Variants in HELZ observed in about 807,000 individuals in gnomAD.
The protein encoded by HELZ is ATP-dependent RNA helicase with zinc finger domain.
A neutral mutation model predicts 218.2 loss-of-function variants in HELZ; 23 were observed. The observed-to-expected ratio is 0.11, with a 90% CI of 0.08 to 0.15. The LOEUF (loss-of-function observed/expected upper bound fraction) is 0.15. Among genes scored for constraint, HELZ ranks in the 10% least tolerant of loss-of-function variants. The probability of loss-of-function intolerance (pLI) is 1.00; values close to 1 mark genes in which losing one functional copy is unlikely to be tolerated. For missense variants in HELZ, 1,813 were observed against 2,353.7 expected, an observed-to-expected ratio of 0.77 and a Z score of 4.75; for synonymous variants, 814 against 829.4, an observed-to-expected ratio of 0.98 and a Z score of 0.32.
chr17:67,233,129 G>A (rs187298676), intron 3 of HELZ, among the ~76,000 whole-genome samples: 16 of 152,230 alleles, frequency 1.1e-4, no homozygotes, highest in Non-Finnish European at 1.6e-4. Context: ...GCGAGACTCC[G>A]TCTCAAAAAA....
intron 17 of HELZ, among the ~76,000 whole-genome samples, chr17:67,154,357 A>T (rs947646579): frequency 6.6e-6 from 1 of 152,218 alleles, no homozygotes; most frequent in Admixed American, 6.5e-5. Context: ...TGAACCCAGG[A>T]GATGGAGTCT....
chr17:67,084,955 A>G (rs542628384), intron 32 of HELZ, among the ~76,000 whole-genome samples: 7 of 152,278 alleles, frequency 4.6e-5, no homozygotes, highest in Non-Finnish European at 1.0e-4. Flanking sequence ...AAAATACACA[A>G]ATTAGCTGGG....
chr17:67,160,617 T>A (rs2038967325), intron 16 of HELZ, among the ~76,000 whole-genome samples: 1 of 152,198 alleles, frequency 6.6e-6, no homozygotes, highest in South Asian at 2.1e-4. Flanking sequence ...GTCTTCTGGC[T>A]CTAATAGATA....
At chr17:67,194,761 T>C (rs1317165318) in intron 8 of HELZ, among the ~76,000 whole-genome samples, 1 of 152,142 alleles carries the variant, frequency 6.6e-6, no homozygotes, top group African/African-American at 2.4e-5. Context: ...TTCTACTCCC[T>C]CACAAGTCAC....
Position 67,245,114 on chromosome 17 carries a change from C to T in HELZ, c.-132+34G>A, listed in dbSNP as rs2041446301. 4 of 984,584 alleles carry T rather than the reference C, an allele frequency of 4.1e-6. No individual in the cohort carries two copies. In the South Asian group the frequency reaches 1.9e-4, roughly 46 times the overall value. 61.0% of individuals were successfully genotyped at this position (984,584 alleles called of 1,614,324 possible). On this transcript the variant is annotated intron_variant, in intron 1 of 32. Transcript: ENST00000358691. ...GAGCTCCGGGAGCTCGCGGAGCGGC[C>T]CCAGGAGCAGAGAAGGGGGAAGTCA... is the stretch of plus-strand genomic sequence containing the variant.
intron 23 of HELZ, among the ~76,000 whole-genome samples, chr17:67,133,969 T>G (rs1042715994): frequency 3.9e-5 from 6 of 152,194 alleles, no homozygotes; most frequent in African/African-American, 1.4e-4. Flanking sequence ...CAAGCAACAT[T>G]CTAAACGAAA....
At chr17:67,187,053 C>T (rs562071766) in intron 12 of HELZ, among the ~76,000 whole-genome samples, 3 of 152,252 alleles carry the variant, frequency 2.0e-5, no homozygotes, top group African/African-American at 7.2e-5. Context: ...TGAGTAGTTG[C>T]AACAGAGATC....
At chr17:67,195,390 C>A (rs757623683) in intron 8 of HELZ, 29 bp downstream of exon 8, 2 of 1,443,300 alleles carry the variant, frequency 1.4e-6, no homozygotes, top group East Asian at 4.5e-5. Context: ...TTCACAGCTA[C>A]CAGAAGTTAC....
intron 5 of HELZ, among the ~76,000 whole-genome samples, chr17:67,203,925 T>TG (rs1292836623): frequency 1.3e-5 from 2 of 152,210 alleles, no homozygotes; most frequent in African/African-American, 4.8e-5. Context: ...AATTGCCCAG[T>TG]GGCCACAGAA....
Position 67,122,462 on chromosome 17 carries a change from C to T in HELZ, c.3630+508G>A, listed in dbSNP as rs567649711. Reference sequence around the variant, plus strand: ...TAGGGAGGCTGAGTCAAGAGAATGGCGTGAACCTGGGAGGCGGAGCTTGCA... The same window carrying T: ...TAGGGAGGCTGAGTCAAGAGAATGGTGTGAACCTGGGAGGCGGAGCTTGCA... On this transcript the variant is annotated intron_variant, in intron 26 of 32. Transcript: ENST00000358691. 5.9e-5 allele frequency among the ~76,000 whole-genome samples: 9 copies of T among 152,102 alleles called. No homozygotes were observed. In the East Asian group the frequency reaches 7.7e-4, roughly 13 times the overall value.
At chr17:67,243,485 T>A (rs771590461) in intron 2 of HELZ, among the ~76,000 whole-genome samples, 2 of 152,116 alleles carry the variant, frequency 1.3e-5, no homozygotes, top group African/African-American at 2.4e-5. Context: ...CGCAAGAAAA[T>A]TTGAATAGGC....
rs144523637 is a variant in HELZ, at chr17:67,193,456, G to A, written c.557+511C>T. ...ACTGAGGCCAGGCACAGTGGCTCAC[G>A]CCTCTAATCCCAGCACTTTGGGAGG... On this transcript the variant is annotated intron_variant, in intron 9 of 32. Transcript: ENST00000358691. 1.6e-3 allele frequency among the ~76,000 whole-genome samples: 241 copies of A among 151,872 alleles called. 1 individual carries two copies. Among genetic ancestry groups the A allele is most frequent in the African/African-American group, 5.6e-3 (233 of 41,430 alleles).
Position 67,078,485 on chromosome 17 carries a change from A to C in HELZ, c.5596T>G (p.Phe1866Val). Residue 1866 changes from phenylalanine to valine, a missense_variant, in exon 33 of 33, where the codon TTT (phenylalanine) becomes GTT (valine). Physicochemically the swap from Phe to Val is conservative, Grantham distance 50. Transcript: ENST00000358691. ...TGCTTGTTAGGCATAAGGGGTGGAA[A>C]CTGGCCAAGATGCTGCAGCACACTG... The part of the protein sequence containing the change: ...NYSVLQHLGQ[F>V]PPLMPNKQIA... The C allele has an allele frequency of 6.3e-7, 1 of 1,577,580 alleles. No homozygotes were observed. Among genetic ancestry groups the C allele is most frequent in the Non-Finnish European group, 8.6e-7 (1 of 1,165,132 alleles).
rs907437855 is a variant in HELZ, at chr17:67,242,278, G to A, written c.-76+1506C>T. Among the ~76,000 whole-genome samples the A allele has an allele frequency of 2.0e-5, 3 of 152,228 alleles. No homozygotes were observed. The South Asian group carries it at 6.2e-4, about 32-fold the overall frequency. On this transcript the variant is annotated intron_variant, in intron 2 of 32. Transcript: ENST00000358691. ...TAAAAATACAAAATTAGCCGGGTGT[G>A]GTGGCGTAAGCCTGTAATCCCTACT...
At chr17:67,214,800 G>A (rs966350409) in intron 5 of HELZ, among the ~76,000 whole-genome samples, 5 of 151,980 alleles carry the variant, frequency 3.3e-5, no homozygotes, top group Non-Finnish European at 5.9e-5. Flanking sequence ...ACAAAGAAAA[G>A]GATTCCTATC....
At chr17:67,173,210 T>A in intron 13 of HELZ, 3 of 164,512 alleles carry the variant, frequency 1.8e-5, no homozygotes, top group South Asian at 2.0e-4. Context: ...ATAATTAATT[T>A]GTATAAAAGA....
chr17:67,115,449 T>G (rs1441777169), intron 27 of HELZ, among the ~76,000 whole-genome samples: 4 of 151,932 alleles, frequency 2.6e-5, no homozygotes, highest in Non-Finnish European at 5.9e-5. Flanking sequence ...AACTCAGAGA[T>G]CTGAGCAACT....
At chr17:67,244,542 T>C (rs2041416536) in intron 1 of HELZ, 2 of 924,458 alleles carry the variant, frequency 2.2e-6, no homozygotes, top group African/African-American at 1.8e-5. Context: ...TTATTTTTGT[T>C]GATGTGCTTG....
Position 67,073,101 on chromosome 17 carries a change from G to A in HELZ, c.*5151C>T, listed in dbSNP as rs976262437. 6.6e-6 allele frequency: 1 copy of A among 152,226 alleles called. No homozygotes were observed. Among genetic ancestry groups the A allele is most frequent in the African/African-American group, 2.4e-5 (1 of 41,456 alleles). 9.4% of individuals were successfully genotyped at this position (152,226 alleles called of 1,614,324 possible). On this transcript the variant is annotated 3_prime_UTR_variant, in exon 33 of 33. Coordinates refer to ENST00000358691, the MANE Select transcript of HELZ (RefSeq NM_014877.4). ...AGGACAGATCTGTAAATAGTACTATGTGACTTCTACTCTGTGTTGCAACCT... is the reference window on the plus strand; with the variant it reads ...AGGACAGATCTGTAAATAGTACTATATGACTTCTACTCTGTGTTGCAACCT...
Sources: gnomAD v4.1 joint callset for allele counts (sites outside exome capture counted in the v4.1 genomes callset) on GRCh38, gnomAD v4.1.1 for gene constraint, MANE v1.5 for transcripts, NCBI Gene and HGNC (gene_info 2026-07-23, HGNC 2026-07-21) for gene names.